Variants in RARB observed in about 807,000 individuals in gnomAD.
RARB encodes HBV-activated protein.
In RARB, 17 loss-of-function variants were observed where a neutral mutation model predicts 51.9. The observed-to-expected ratio is 0.33, with a 90% CI of 0.22 to 0.49. The LOEUF (loss-of-function observed/expected upper bound fraction) is 0.49, where lower values mean the gene tolerates loss of function less well. RARB is among the 20% of genes least tolerant of loss of function. The pLI, the probability that RARB is intolerant of heterozygous loss-of-function variation, is 0.99. For synonymous variants in RARB, 215 were observed against 195.4 expected, an observed-to-expected ratio of 1.10 and a Z score of -0.84; for missense variants, 369 against 550.8, an observed-to-expected ratio of 0.67 and a Z score of 3.30.
At chr3:25,469,139 C>G (rs1695577557) in intron 2 of RARB, among the ~76,000 whole-genome samples, 1 of 152,218 alleles carries the variant, frequency 6.6e-6, no homozygotes, top group Admixed American at 6.5e-5. Context: ...GAGGGAGGCC[C>G]TCATCTCCAT....
chr3:25,307,760 T>C (rs1410851898), intron 5 of RARB, among the ~76,000 whole-genome samples: 1 of 152,136 alleles, frequency 6.6e-6, no homozygotes, highest in African/African-American at 2.4e-5. Flanking sequence ...ATTTCTTAGA[T>C]AAGCAGCTTC....
At chr3:24,942,877 T>C (rs1172059290) in intron 2 of RARB, among the ~76,000 whole-genome samples, 1 of 152,208 alleles carries the variant, frequency 6.6e-6, no homozygotes, top group African/African-American at 2.4e-5. Context: ...GGCTCCATCA[T>C]TTAGCTATTT....
At chr3:25,521,132 A>G (rs1698384696) in intron 3 of RARB, among the ~76,000 whole-genome samples, 1 of 152,182 alleles carries the variant, frequency 6.6e-6, no homozygotes, top group African/African-American at 2.4e-5. Context: ...CTCCCCCATC[A>G]GGCAAGGAAA....
chr3:25,254,302 AG>A (rs1366876982), intron 5 of RARB, among the ~76,000 whole-genome samples: 3 of 152,172 alleles, frequency 2.0e-5, no homozygotes, highest in Non-Finnish European at 4.4e-5. Flanking sequence ...CCCATTATTG[AG>A]AAACAGTTGA....
At chr3:25,239,733 G>T (rs542406915) in intron 5 of RARB, among the ~76,000 whole-genome samples, 1 of 152,224 alleles carries the variant, frequency 6.6e-6, no homozygotes, top group African/African-American at 2.4e-5. Flanking sequence ...ATCTAATAGT[G>T]TGATGCCTCC....
chr3:24,911,262 A>G (rs1694984107), intron 2 of RARB, among the ~76,000 whole-genome samples: 1 of 152,208 alleles, frequency 6.6e-6, no homozygotes, highest in Non-Finnish European at 1.5e-5. Context: ...AGAAATGAAC[A>G]CACAGACCTC....
chr3:25,579,609 C>A (rs1487558810), intron 4 of RARB, among the ~76,000 whole-genome samples: 1 of 152,186 alleles, frequency 6.6e-6, no homozygotes, highest in Non-Finnish European at 1.5e-5. Context: ...ATTTATCCAC[C>A]CATCAGTTAA....
chr3:25,313,177 G>T (rs1254852985), intron 5 of RARB, among the ~76,000 whole-genome samples: 1 of 152,196 alleles, frequency 6.6e-6, no homozygotes, highest in African/African-American at 2.4e-5. Flanking sequence ...TTCCTTGGAA[G>T]TTCCCCTCTT....
intron 5 of RARB, among the ~76,000 whole-genome samples, chr3:25,588,575 G>A (rs6782425): frequency 0.28 from 42,574 of 152,000 alleles, 6,700 homozygotes; most frequent in African/African-American, 0.41. Flanking sequence ...ATTATCTCCC[G>A]TAGTCACAGT....
At chr3:25,136,588 T>C (rs1365528225) in intron 4 of RARB, among the ~76,000 whole-genome samples, 1 of 152,090 alleles carries the variant, frequency 6.6e-6, no homozygotes, top group African/African-American at 2.4e-5. Flanking sequence ...TATGTGACAA[T>C]GGTTGAAATG....
At chr3:25,075,797 G>T (rs1698859942) in intron 3 of RARB, among the ~76,000 whole-genome samples, 1 of 152,176 alleles carries the variant, frequency 6.6e-6, no homozygotes, top group Admixed American at 6.5e-5. Flanking sequence ...TATGGATTTG[G>T]GAGCTTTCTG....
At chr3:25,065,415 T>G (rs1208805189) in intron 3 of RARB, among the ~76,000 whole-genome samples, 1 of 152,202 alleles carries the variant, frequency 6.6e-6, no homozygotes, top group Non-Finnish European at 1.5e-5. Context: ...AATTTTAAAC[T>G]TTTTTAGTAG....
chr3:25,415,773 T>C (rs865822159), intron 5 of RARB, among the ~76,000 whole-genome samples: 26 of 152,248 alleles, frequency 1.7e-4, no homozygotes, highest in African/African-American at 6.0e-4. Flanking sequence ...GCTCTGCTAG[T>C]CAGTGTCTTC....
intron 5 of RARB, among the ~76,000 whole-genome samples, chr3:25,217,463 G>A (rs181934581): frequency 6.6e-6 from 1 of 152,142 alleles, no homozygotes; most frequent in East Asian, 1.9e-4. Context: ...ATGATTGAGA[G>A]AGGACAAAGG....
rs1183842963 is a variant in RARB, at chr3:25,363,512, T to G, written c.179-97681T>G. 1.7e-4 allele frequency among the ~76,000 whole-genome samples: 26 copies of G among 152,182 alleles called. 1 individual carries two copies. The highest frequency in any genetic ancestry group is 1.7e-3 in the Admixed American group (26 of 15,278). ...TTGCTTAGGCCACTTGACATCATTC[T>G]TGTCTCCTTTCTTTCTGTCTTATAC... is the stretch of plus-strand genomic sequence containing the variant. On this transcript the variant is annotated intron_variant, in intron 5 of 11. Transcript: ENST00000383772.
intron 3 of RARB, among the ~76,000 whole-genome samples, chr3:25,097,278 T>C (rs1699313433): frequency 6.6e-6 from 1 of 152,066 alleles, no homozygotes; most frequent in South Asian, 2.1e-4. Context: ...ACACAACAAT[T>C]TAATGCAGGG....
intron 2 of RARB, among the ~76,000 whole-genome samples, chr3:25,484,761 G>A (rs1696381391): frequency 6.6e-6 from 1 of 152,050 alleles, no homozygotes; most frequent in Non-Finnish European, 1.5e-5. Flanking sequence ...TTTCTATTTG[G>A]CCCTTTATAG....
Position 24,860,276 on chromosome 3 carries a change from C to A in RARB, c.-380+1524C>A, listed in dbSNP as rs545455092. On this transcript the variant is annotated intron_variant, in intron 2 of 11. Transcript: ENST00000383772. ...TGATTCTGATTGTTCTAGGAATAAA[C>A]CTTTTGCATTTGGGACATTCTGCCT... 2.2e-3 allele frequency among the ~76,000 whole-genome samples: 342 copies of A among 152,178 alleles called. 2 individuals are homozygous for A. Among genetic ancestry groups the A allele is most frequent in the Middle Eastern group, 0.01 (3 of 294 alleles).
chr3:24,973,739 T>A (rs118012506), intron 2 of RARB, among the ~76,000 whole-genome samples: 1,766 of 152,172 alleles, frequency 0.012, 24 homozygotes, highest in East Asian at 0.085. Flanking sequence ...GCTTTTGTAA[T>A]TTTTTTCAGA....
Sources: allele counts gnomAD v4.1 joint callset (sites outside exome capture counted in the v4.1 genomes callset), GRCh38; gene constraint gnomAD v4.1.1; transcripts MANE v1.5; gene names NCBI Gene and HGNC (gene_info 2026-07-23, HGNC 2026-07-21).